Variants in DLG2 observed in about 807,000 individuals in gnomAD.
The protein encoded by DLG2 is discs large MAGUK scaffold protein 2, also known as disks large homolog 2.
In DLG2, 45 loss-of-function variants were observed where a neutral mutation model predicts 132.5. The ratio of observed to expected loss-of-function variants is 0.34; its 90% CI spans 0.27 to 0.44. DLG2 has a LOEUF of 0.44. Ranked by LOEUF, DLG2 falls within the 20% of genes least tolerant of loss-of-function variation. DLG2 has a pLI of 1.00. For synonymous variants in DLG2, 424 were observed against 419.6 expected, an observed-to-expected ratio of 1.01 and a Z score of -0.13; for missense variants, 1,045 against 1,196.9, an observed-to-expected ratio of 0.87 and a Z score of 1.87.
At chr11:84,224,064 T>C (rs759605748) in intron 8 of DLG2, among the ~76,000 whole-genome samples, 9 of 152,164 alleles carry the variant, frequency 5.9e-5, no homozygotes, top group Non-Finnish European at 1.2e-4. Flanking sequence ...TCCCCACCCA[T>C]GCAACTTCCT....
intron 6 of DLG2, among the ~76,000 whole-genome samples, chr11:84,979,481 A>G (rs1400395685): frequency 6.6e-6 from 1 of 152,210 alleles, no homozygotes; most frequent in Non-Finnish European, 1.5e-5. Flanking sequence ...GCAGCCATAA[A>G]AAAGGATGAG....
intron 7 of DLG2, among the ~76,000 whole-genome samples, chr11:84,257,348 A>T (rs1391250735): frequency 6.6e-6 from 1 of 152,106 alleles, no homozygotes; most frequent in Non-Finnish European, 1.5e-5. Flanking sequence ...TTTACTTGGA[A>T]CCTACAATTA....
intron 18 of DLG2, among the ~76,000 whole-genome samples, chr11:83,740,269 T>C (rs2092397974): frequency 6.6e-6 from 1 of 152,146 alleles, no homozygotes; most frequent in African/African-American, 2.4e-5. Context: ...CCATTAACAA[T>C]AGAACGGATA....
At chr11:85,027,233 T>C (rs1566680531) in intron 6 of DLG2, among the ~76,000 whole-genome samples, 1 of 132,564 alleles carries the variant, frequency 7.5e-6, no homozygotes, top group Non-Finnish European at 1.5e-5. Context: ...AGAACTAAGA[T>C]ATAAAACTGT....
At chr11:83,634,810 C>G (rs2064370120) in intron 18 of DLG2, among the ~76,000 whole-genome samples, 1 of 152,090 alleles carries the variant, frequency 6.6e-6, no homozygotes, top group Non-Finnish European at 1.5e-5. Context: ...AAAATAAACT[C>G]TGAATATTAA....
chr11:85,445,583 G>A (rs980757980), intron 3 of DLG2, among the ~76,000 whole-genome samples: 2 of 152,170 alleles, frequency 1.3e-5, no homozygotes, highest in Non-Finnish European at 2.9e-5. Context: ...AGGAGGCTGA[G>A]GCAGGAGAAT....
At chr11:84,201,580 C>CT (rs35796062) in intron 8 of DLG2, among the ~76,000 whole-genome samples, 51 of 131,748 alleles carry the variant, frequency 3.9e-4, no homozygotes, top group African/African-American at 1.0e-3. Flanking sequence ...TGGTTCTGGG[C>CT]TTTTTTTTTT....
At chr11:84,210,288 A>C (rs1057195521) in intron 8 of DLG2, among the ~76,000 whole-genome samples, 10 of 151,242 alleles carry the variant, frequency 6.6e-5, no homozygotes, top group African/African-American at 2.4e-4. Context: ...GTCTCCAAAA[A>C]ATTAAATTAA....
chr11:85,207,357 C>G (rs549285276), intron 4 of DLG2, among the ~76,000 whole-genome samples: 1 of 152,210 alleles, frequency 6.6e-6, no homozygotes, highest in Non-Finnish European at 1.5e-5. Flanking sequence ...CACATATCAT[C>G]TACAACAAAT....
chr11:85,093,766 T>G (rs2069242644), intron 6 of DLG2, among the ~76,000 whole-genome samples: 1 of 152,176 alleles, frequency 6.6e-6, no homozygotes, highest in African/African-American at 2.4e-5. Flanking sequence ...TCACATGACT[T>G]GTGGGAATTA....
chr11:83,784,319 A>C (rs2094951296), intron 18 of DLG2, among the ~76,000 whole-genome samples: 1 of 152,194 alleles, frequency 6.6e-6, no homozygotes, highest in African/African-American at 2.4e-5. Context: ...ACAATAATTC[A>C]ATCACTTTTT....
intron 3 of DLG2, among the ~76,000 whole-genome samples, chr11:85,586,583 T>A (rs1358918771): frequency 6.6e-6 from 1 of 152,228 alleles, no homozygotes; most frequent in Non-Finnish European, 1.5e-5. Context: ...TGAGCTCATT[T>A]GGATCTTCTC....
intron 3 of DLG2, among the ~76,000 whole-genome samples, chr11:85,466,285 C>A (rs1048973206): frequency 1.1e-4 from 17 of 152,162 alleles, no homozygotes; most frequent in East Asian, 3.8e-4. Context: ...ATGGTAGTTT[C>A]TTTTGCTGTG....
At chr11:84,597,176 C>T (rs1023140180) in intron 6 of DLG2, among the ~76,000 whole-genome samples, 77 of 151,842 alleles carry the variant, frequency 5.1e-4, no homozygotes, top group African/African-American at 1.7e-3. Flanking sequence ...GCCGAGATTG[C>T]GCCACTGCAC....
At chr11:83,547,631 A>G (rs2096274352) in intron 19 of DLG2, among the ~76,000 whole-genome samples, 2 of 152,262 alleles carry the variant, frequency 1.3e-5, no homozygotes, top group South Asian at 2.1e-4. Flanking sequence ...CAACCATATG[A>G]TGACCTGAAT....
chr11:85,257,123 G>A (rs983630043), intron 4 of DLG2, among the ~76,000 whole-genome samples: 5 of 152,148 alleles, frequency 3.3e-5, no homozygotes, highest in Non-Finnish European at 7.3e-5. Flanking sequence ...TATAGACAGG[G>A]AATGAATAAT....
At chr11:83,714,971 T>C (rs899373746) in intron 18 of DLG2, among the ~76,000 whole-genome samples, 2 of 152,228 alleles carry the variant, frequency 1.3e-5, no homozygotes, top group Non-Finnish European at 2.9e-5. Context: ...CATATGTTTA[T>C]TGCAGCACTG....
intron 19 of DLG2, among the ~76,000 whole-genome samples, chr11:83,571,588 G>A (rs1209073525): frequency 2.3e-4 from 25 of 111,048 alleles, no homozygotes; most frequent in Non-Finnish European, 2.0e-4. Context: ...GCGAGACTCC[G>A]TCTCAAAAAA....
At chr11:83,906,251 TCTCTCTCACACACACACACACACACA>T (rs1333512408) in intron 15 of DLG2, among the ~76,000 whole-genome samples, 9 of 97,444 alleles carry the variant, frequency 9.2e-5, no homozygotes, top group African/African-American at 3.6e-4. Flanking sequence ...TCTCTCTCTC[TCTCTCTCACACACACACACACACACA>T]CACACACACA....
Sources: allele counts gnomAD v4.1 joint callset (sites outside exome capture counted in the v4.1 genomes callset), GRCh38; gene constraint gnomAD v4.1.1; transcripts MANE v1.5; gene names NCBI Gene and HGNC (gene_info 2026-07-23, HGNC 2026-07-21).